GTF3C2: variants seen among roughly 807,000 people sequenced by gnomAD.
GTF3C2 encodes the protein general transcription factor 3C polypeptide 2.
In GTF3C2, 17 loss-of-function variants were observed where a neutral mutation model predicts 117.4. The ratio of observed to expected loss-of-function variants is 0.14; its 90% confidence interval spans 0.10 to 0.22. The LOEUF (loss-of-function observed/expected upper bound fraction) is 0.22. Among genes scored for constraint, GTF3C2 ranks in the 10% least tolerant of loss-of-function variants. The pLI, the probability that GTF3C2 is intolerant of heterozygous loss-of-function variation, is 1.00. For synonymous variants in GTF3C2, 437 were observed against 427.0 expected (o/e 1.02, Z -0.29); for missense variants, 888 against 1,143.6 (o/e 0.78, Z 3.22).
chr2:27,354,665 G>C (rs1290454556), intron 1 of GTF3C2, among the ~76,000 whole-genome samples: 1 of 152,104 alleles, frequency 6.6e-6, no homozygotes, highest in Non-Finnish European at 1.5e-5. Flanking sequence ...TGAGACAGGA[G>C]AATCACTTGA....
At chr2:27,334,813 T>A (rs907338056) in intron 10 of GTF3C2, among the ~76,000 whole-genome samples, 7 of 152,162 alleles carry the variant, frequency 4.6e-5, no homozygotes, top group Non-Finnish European at 8.8e-5. Flanking sequence ...CGGCTACTTT[T>A]AAAAATTTTT....
At chr2:27,328,065 T>C (rs1272780235) in exon 17 of GTF3C2, 3 of 1,609,654 alleles carry the variant, frequency 1.9e-6, no homozygotes, top group Admixed American at 3.4e-5. Context: ...GAGCAAGTAG[T>C]GATGGTTGAC....
exon 3 of GTF3C2, chr2:27,342,981 G>A (rs768810344): frequency 5.6e-6 from 9 of 1,614,058 alleles, no homozygotes; most frequent in Middle Eastern, 1.6e-4. Flanking sequence ...TCTTAGGCAT[G>A]GGGGTGGACA....
intron 1 of GTF3C2, among the ~76,000 whole-genome samples, chr2:27,353,227 T>C (rs1168783585): frequency 1.3e-5 from 2 of 152,020 alleles, no homozygotes; most frequent in Non-Finnish European, 2.9e-5. Flanking sequence ...ACCTCGTTTC[T>C]ACTAAAAATA....
At chr2:27,351,186 C>T (rs1572585558) in intron 1 of GTF3C2, among the ~76,000 whole-genome samples, 1 of 151,832 alleles carries the variant, frequency 6.6e-6, no homozygotes, top group Non-Finnish European at 1.5e-5. Context: ...CTGAAGAGGG[C>T]GGATCACCTA....
intron 1 of GTF3C2, among the ~76,000 whole-genome samples, chr2:27,345,692 C>T (rs1680892520): frequency 6.6e-6 from 1 of 151,336 alleles, no homozygotes. Flanking sequence ...AAGGAACATC[C>T]TATTATGTTA....
chr2:27,355,728 C>T (rs560642994), intron 1 of GTF3C2, among the ~76,000 whole-genome samples: 26 of 152,286 alleles, frequency 1.7e-4, no homozygotes, highest in Middle Eastern at 3.4e-3. Context: ...CACAACACTG[C>T]ACCTTAAGTA....
At chr2:27,342,254 A>G in intron 3 of GTF3C2, 21 bp from the exon 4 acceptor site, 1 of 1,586,908 alleles carries the variant, frequency 6.3e-7, no homozygotes, top group Non-Finnish European at 8.6e-7. Flanking sequence ...GGACAGAGTC[A>G]GAGCCATTCT....
intron 1 of GTF3C2, among the ~76,000 whole-genome samples, chr2:27,355,496 G>A (rs1470139614): frequency 6.6e-6 from 1 of 151,478 alleles, no homozygotes; most frequent in African/African-American, 2.4e-5. Flanking sequence ...CTCCAGCCTG[G>A]GCAACAAGAA....
intron 1 of GTF3C2, among the ~76,000 whole-genome samples, chr2:27,344,793 G>A (rs1292873860): frequency 6.6e-6 from 1 of 151,966 alleles, no homozygotes; most frequent in African/African-American, 2.4e-5. Context: ...AGACCAGTCT[G>A]GGCAACATAG....
In GTF3C2 at chr2:27,350,378, C is replaced by G. The variant is rs770077101; in HGVS notation, c.-25+6361G>C. ...TAACAAGCTCTTCAGGGGATTCTGACGCACACTCAAGCTGAAAAACACTTG... is the reference window on the plus strand; with the variant it reads ...TAACAAGCTCTTCAGGGGATTCTGAGGCACACTCAAGCTGAAAAACACTTG... On this transcript the variant is annotated intron_variant, in intron 1 of 18. Coordinates refer to ENST00000264720, the Ensembl canonical transcript of GTF3C2. The G allele has an allele frequency of 1.9e-5, 19 of 977,982 alleles. No homozygotes were observed. The South Asian group carries it at 7.1e-4, about 37-fold the overall frequency. The allele number at this position is 977,982 out of a possible 1,614,324, so 60.6% of individuals were successfully genotyped here. A position where few individuals can be genotyped will look rare whatever the true frequency, so the allele number is the denominator to read the frequency against.
At chr2:27,350,576 G>T in intron 1 of GTF3C2, 1 of 844,210 alleles carries the variant, frequency 1.2e-6, no homozygotes, top group Non-Finnish European at 1.4e-6. Flanking sequence ...AAGGTGGGAG[G>T]ATCGCTTGAG....
At chr2:27,343,357 C>A (rs1434283633) in exon 2 of GTF3C2, 1 of 1,614,042 alleles carries the variant, frequency 6.2e-7, no homozygotes, top group East Asian at 2.2e-5. Context: ...GGAGCCTCCT[C>A]TGATCAGGAG....
chr2:27,353,153 G>A (rs1681194464), intron 1 of GTF3C2, among the ~76,000 whole-genome samples: 1 of 152,142 alleles, frequency 6.6e-6, no homozygotes, highest in Admixed American at 6.5e-5. Context: ...TCAGCACTTT[G>A]GGAGACTGAG....
intron 18 of GTF3C2, 117 bp downstream of exon 18, chr2:27,327,060 T>C: frequency 2.9e-6 from 2 of 681,388 alleles, no homozygotes; most frequent in East Asian, 2.7e-5. Context: ...ACGTCTGTCA[T>C]GCTCTGGAGG....
At chr2:27,354,516 T>C (rs1490095536) in intron 1 of GTF3C2, among the ~76,000 whole-genome samples, 1 of 152,170 alleles carries the variant, frequency 6.6e-6, no homozygotes, top group African/African-American at 2.4e-5. Flanking sequence ...ATCCCAGCAC[T>C]TTGGGAGGCC....
In GTF3C2 at chr2:27,330,925, G is replaced by A. The variant is rs538284373; in HGVS notation, c.1733-1402C>T. ...TGCAGTGAGCCAAGATCATGCCACTGCACTCCAGCCTGGACCCCACAGACC... is the reference window on the plus strand; with the variant it reads ...TGCAGTGAGCCAAGATCATGCCACTACACTCCAGCCTGGACCCCACAGACC... On this transcript the variant is annotated intron_variant, in intron 12 of 18. Transcript: ENST00000264720. Among the ~76,000 whole-genome samples the A allele has an allele frequency of 1.2e-4, 18 of 152,244 alleles. No homozygotes were observed. The South Asian group carries it at 1.2e-3, about 11-fold the overall frequency.
chr2:27,354,163 G>A (rs1160069333), intron 1 of GTF3C2, among the ~76,000 whole-genome samples: 1 of 151,902 alleles, frequency 6.6e-6, no homozygotes, highest in Non-Finnish European at 1.5e-5. Context: ...AATACCTGTA[G>A]CTCTAGCTAT....
At chr2:27,356,131 A>G (rs893561857) in intron 1 of GTF3C2, 28 of 1,286,938 alleles carry the variant, frequency 2.2e-5, no homozygotes, top group Non-Finnish European at 2.5e-5. Flanking sequence ...GACGGAGTTG[A>G]AGTCGCCACC....
Sources: gnomAD v4.1 joint callset for allele counts (sites outside exome capture counted in the v4.1 genomes callset) on GRCh38, gnomAD v4.1.1 for gene constraint, MANE v1.5 for transcripts, NCBI Gene and HGNC (gene_info 2026-07-23, HGNC 2026-07-21) for gene names.